GPSM2: variants seen among roughly 807,000 people sequenced by gnomAD.
GPSM2 encodes G protein-signaling modulator 2.
Under a neutral mutation model 78.4 loss-of-function variants are expected in GPSM2, and 58 were observed. The observed-to-expected ratio is 0.74, with a 90% confidence interval of 0.60 to 0.92. The LOEUF (loss-of-function observed/expected upper bound fraction) is 0.92, where lower values mean the gene tolerates loss of function less well. Among genes scored for constraint, GPSM2 ranks in the 40% least tolerant of loss-of-function variants. The pLI is 0.00. For synonymous variants in GPSM2, 224 were observed against 280.2 expected, an observed-to-expected ratio of 0.80 and a Z score of 2.00; for missense variants, 700 against 815.5, an observed-to-expected ratio of 0.86 and a Z score of 1.73.
chr1:108,923,550 T>G (rs906099484), intron 13 of GPSM2, among the ~76,000 whole-genome samples: 4 of 152,202 alleles, frequency 2.6e-5, no homozygotes, highest in African/African-American at 9.7e-5. Flanking sequence ...ACCAAAAGAC[T>G]TCTTGTACCA....
intron 2 of GPSM2, among the ~76,000 whole-genome samples, chr1:108,891,161 T>G (rs1384390265): frequency 6.6e-6 from 1 of 152,192 alleles, no homozygotes. Flanking sequence ...TTCCTCTGGT[T>G]TTGTGTTTCT....
In GPSM2 at chr1:108,929,901, G is replaced by T; in HGVS notation, c.2016G>T (p.Leu672Phe). 6.2e-7 allele frequency: 1 copy of T among 1,613,534 alleles called. No homozygotes were observed. The highest frequency in any genetic ancestry group is 8.5e-7 in the Non-Finnish European group (1 of 1,179,594). Residue 672 changes from leucine (L) to phenylalanine (F), a missense_variant, in exon 15 of 15, where the codon TTG becomes TTT. Coordinates refer to ENST00000264126, the MANE Select transcript of GPSM2 (RefSeq NM_013296.5). ...LKDFLQNNAL[L>F]EFKNSGKKSA... ...ACTTTTTGCAAAATAATGCTTTGTT[G>T]GAGTTTAAAAATTCAGGGAAAAAAT...
chr1:108,907,984 T>C (rs1369853428), intron 10 of GPSM2, among the ~76,000 whole-genome samples: 1 of 152,254 alleles, frequency 6.6e-6, no homozygotes, highest in East Asian at 1.9e-4. Flanking sequence ...ACACAATTAA[T>C]AGGCTTCATC....
At chr1:108,884,591 A>G (rs1459454687) in intron 1 of GPSM2, among the ~76,000 whole-genome samples, 2 of 152,234 alleles carry the variant, frequency 1.3e-5, no homozygotes, top group Non-Finnish European at 2.9e-5. Context: ...GGAATAAGGA[A>G]CAAAATACAG....
chr1:108,896,198 A>G (rs900950983), intron 2 of GPSM2, among the ~76,000 whole-genome samples: 4 of 152,180 alleles, frequency 2.6e-5, no homozygotes, highest in African/African-American at 9.7e-5. Context: ...CAGACTTTCA[A>G]AATTAGTATT....
chr1:108,886,690 G>T (rs1647576328), intron 2 of GPSM2, among the ~76,000 whole-genome samples: 1 of 152,172 alleles, frequency 6.6e-6, no homozygotes, highest in African/African-American at 2.4e-5. Context: ...ACATGTATGT[G>T]TGTTGGTGGG....
At position 108,932,632 on chromosome 1, in the gene GPSM2, A is replaced by G. The variant is rs1037173113; in HGVS notation, c.*2692A>G. ...CAGTCTATCACCTGGGGCATTCACT[A>G]CTTTTCAGAGTCAGATCACAGTTCA... On this transcript the variant is annotated 3_prime_UTR_variant, in exon 15 of 15. Coordinates refer to ENST00000264126, the MANE Select transcript of GPSM2 (RefSeq NM_013296.5). The G allele has an allele frequency of 5.3e-5, 8 of 152,224 alleles. No individual in the cohort carries two copies. The highest frequency in any genetic ancestry group is 1.7e-4 in the African/African-American group (7 of 41,468). The allele number at this position is 152,224 out of a possible 1,614,324, so 9.4% of individuals were successfully genotyped here.
At position 108,931,668 on chromosome 1, in the gene GPSM2, A is replaced by G. The variant is rs1019926011; in HGVS notation, c.*1728A>G. 1 of 825,784 alleles carries G rather than the reference A, an allele frequency of 1.2e-6. No homozygotes were observed. Among genetic ancestry groups the G allele is most frequent in the African/African-American group, 1.7e-5 (1 of 57,310 alleles). 51.2% of individuals were successfully genotyped at this position (825,784 alleles called of 1,614,324 possible). A position where few individuals can be genotyped will look rare whatever the true frequency, so the allele number is the denominator to read the frequency against. On this transcript the variant is annotated 3_prime_UTR_variant, in exon 15 of 15. Coordinates refer to ENST00000264126, the MANE Select transcript of GPSM2 (RefSeq NM_013296.5). ...AGTTCTAAATTACAACCTGGATTAC[A>G]TTATGTTTCATGTATACTATAAGGT...
intron 10 of GPSM2, among the ~76,000 whole-genome samples, chr1:108,911,785 C>T (rs1435621375): frequency 7.0e-6 from 1 of 143,692 alleles, no homozygotes; most frequent in Non-Finnish European, 1.5e-5. Flanking sequence ...AAACCATACT[C>T]AAGTGGGAAG....
intron 10 of GPSM2, among the ~76,000 whole-genome samples, chr1:108,908,094 G>C (rs338493): frequency 5.9e-5 from 9 of 152,164 alleles, no homozygotes; most frequent in Admixed American, 2.6e-4. Flanking sequence ...TACAGGGGCC[G>C]GGCGCCATGG....
chr1:108,911,141 A>G (rs1278745329), intron 10 of GPSM2, among the ~76,000 whole-genome samples: 2 of 152,186 alleles, frequency 1.3e-5, no homozygotes, highest in Non-Finnish European at 2.9e-5. Flanking sequence ...GTAAAAGAAT[A>G]GAAGATTCAT....
At chr1:108,922,268 A>G (rs1390745265) in intron 12 of GPSM2, 149 bp from the exon 13 acceptor site, 2 of 634,764 alleles carry the variant, frequency 3.2e-6, no homozygotes, top group East Asian at 5.5e-5. Context: ...TTTATTACCA[A>G]TATTTGCCAT....
Position 108,904,250 on chromosome 1 carries a change from G to C in GPSM2, c.1188G>C (p.Leu396Phe), listed in dbSNP as rs1649057636. The change falls in exon 10 of 15, where the codon TTG (leucine) becomes TTC (phenylalanine). Residue 396 changes from leucine to phenylalanine, a missense_variant. Coordinates refer to ENST00000264126, the MANE Select transcript of GPSM2 (RefSeq NM_013296.5). Reference protein sequence around the residue: ...MSENTEIDSSLNGVRPKLGRR... With the variant: ...MSENTEIDSSFNGVRPKLGRR... ...AAAATACTGAAATTGATAGCAGTTTGAATGGTAAGTAATAGGACTTTTAAA... is the reference window on the plus strand; with the variant it reads ...AAAATACTGAAATTGATAGCAGTTTCAATGGTAAGTAATAGGACTTTTAAA... 1 of 1,588,792 alleles carries C rather than the reference G, an allele frequency of 6.3e-7. No homozygotes were observed. Among genetic ancestry groups the C allele is most frequent in the Admixed American group, 1.7e-5 (1 of 59,874 alleles).
At chr1:108,929,599 A>G in intron 14 of GPSM2, 102 bp from the exon 15 acceptor site, 2 of 1,033,412 alleles carry the variant, frequency 1.9e-6, no homozygotes, top group South Asian at 1.3e-5. Flanking sequence ...GCCCCAAATA[A>G]AAGTTTACAA....
chr1:108,908,468 G>A (rs539824062), intron 10 of GPSM2, among the ~76,000 whole-genome samples: 6 of 152,078 alleles, frequency 3.9e-5, no homozygotes, highest in Non-Finnish European at 8.8e-5. Flanking sequence ...TGGATCACGA[G>A]GTCAGGAGAT....
chr1:108,927,692 G>A (rs901932703), intron 14 of GPSM2, among the ~76,000 whole-genome samples: 1 of 152,176 alleles, frequency 6.6e-6, no homozygotes, highest in African/African-American at 2.4e-5. Context: ...CTCAAGAGGA[G>A]CATGTGGTGG....
chr1:108,884,494 C>T (rs1047912330), intron 1 of GPSM2, among the ~76,000 whole-genome samples: 6 of 152,116 alleles, frequency 3.9e-5, no homozygotes, highest in African/African-American at 1.4e-4. Context: ...ATCTCAGAAA[C>T]AACGTTCAGC....
In GPSM2 at chr1:108,896,989, T is replaced by G; in HGVS notation, c.182T>G (p.Leu61Arg). The G allele has an allele frequency of 6.2e-7, 1 of 1,614,002 alleles. No homozygotes were observed. Among genetic ancestry groups the G allele is most frequent in the Non-Finnish European group, 8.5e-7 (1 of 1,179,820 alleles). Residue 61 changes from leucine (L) to arginine (R), a missense_variant, in exon 3 of 15, where the codon CTT becomes CGT. By Grantham distance (102) the Leu-to-Arg change is moderately radical. Transcript: ENST00000264126. ...GTTGGAACTGAAGACCTAAAAACAC[T>G]TAGCGCTATTTACAGCCAGTTGGGC... Reference protein sequence around the residue: ...VQVGTEDLKTLSAIYSQLGNA... With the variant: ...VQVGTEDLKTRSAIYSQLGNA...
At chr1:108,921,825 G>A (rs903778851) in intron 12 of GPSM2, among the ~76,000 whole-genome samples, 6 of 151,998 alleles carry the variant, frequency 3.9e-5, no homozygotes, top group Non-Finnish European at 8.8e-5. Flanking sequence ...TAACATTTTT[G>A]TATATGTGCC....
Sources: gnomAD v4.1 joint callset for allele counts (sites outside exome capture counted in the v4.1 genomes callset) on GRCh38, gnomAD v4.1.1 for gene constraint, MANE v1.5 for transcripts, NCBI Gene and HGNC (gene_info 2026-07-23, HGNC 2026-07-21) for gene names.